NTN4: variants seen among roughly 807,000 people sequenced by gnomAD.
NTN4 encodes netrin-4.
In NTN4, 32 loss-of-function variants were observed where a neutral mutation model predicts 73.6. The ratio of observed to expected loss-of-function variants is 0.44; its 90% CI spans 0.33 to 0.58. NTN4 has a LOEUF of 0.58. Among genes scored for constraint, NTN4 ranks in the 20% least tolerant of loss-of-function variants. NTN4 has a pLI of 0.04. For synonymous variants in NTN4, 258 were observed against 287.5 expected, an observed-to-expected ratio of 0.90 and a Z score of 1.04; for missense variants, 654 against 798.3, an observed-to-expected ratio of 0.82 and a Z score of 2.18.
At chr12:95,773,278 A>G (rs1215225722) in intron 2 of NTN4, among the ~76,000 whole-genome samples, 1 of 152,226 alleles carries the variant, frequency 6.6e-6, no homozygotes, top group African/African-American at 2.4e-5. Context: ...TGCTAGGATT[A>G]TAGGCATGAG....
intron 7 of NTN4, among the ~76,000 whole-genome samples, chr12:95,672,105 G>A (rs1387211469): frequency 6.6e-6 from 1 of 151,932 alleles, no homozygotes; most frequent in Non-Finnish European, 1.5e-5. Flanking sequence ...TGGACTGCTT[G>A]AGCCCAGGAG....
At chr12:95,677,863 T>A (rs1460618319) in intron 7 of NTN4, among the ~76,000 whole-genome samples, 1 of 152,184 alleles carries the variant, frequency 6.6e-6, no homozygotes, top group African/African-American at 2.4e-5. Flanking sequence ...TCTAAATCAT[T>A]CTACTATAAA....
intron 2 of NTN4, among the ~76,000 whole-genome samples, chr12:95,779,115 A>C (rs1437314434): frequency 6.6e-6 from 1 of 152,234 alleles, no homozygotes; most frequent in Non-Finnish European, 1.5e-5. Context: ...ACAGCCCTTC[A>C]TGCTAAAAAC....
rs529076577 is a variant in NTN4 at position 95,717,609 on chromosome 12, AT to A, written c.865-4272del. Among the ~76,000 whole-genome samples, 1,470 of 152,080 alleles carry A rather than the reference AT, an allele frequency of 9.7e-3. 7 individuals are homozygous for A. Among genetic ancestry groups the A allele is most frequent in the Non-Finnish European group, 0.015 (1,016 of 67,994 alleles). Reference sequence around the variant, plus strand: ...AACTGTTGCTGTTCAAGCTTGAAAGATCATCCACTATTTGATGCTCGTGAAA... The same window carrying A: ...AACTGTTGCTGTTCAAGCTTGAAAGACATCCACTATTTGATGCTCGTGAAA... On this transcript the variant is annotated intron_variant, in intron 3 of 9. Transcript: ENST00000343702.
rs772879688 is a variant in NTN4 at position 95,682,700 on chromosome 12, A to G, written c.1510+7T>C. 4 of 1,589,402 alleles carry G rather than the reference A, an allele frequency of 2.5e-6. No individual in the cohort carries two copies. The highest frequency in any genetic ancestry group is 1.7e-5 in the Admixed American group (1 of 59,912). ...GAAAATATGATGCCTGGTTACATCC[A>G]TCTCACCTGAGTGTAGAAGTGCAGA... On this transcript the variant is annotated splice_region_variant and intron_variant, in intron 7 of 9. Transcript: ENST00000343702.
In NTN4 at chr12:95,683,590, G is replaced by A; in HGVS notation, c.1302C>T (p.Cys434=). 1.2e-6 allele frequency: 2 copies of A among 1,614,184 alleles called. No homozygotes were observed. The highest frequency in any genetic ancestry group is 1.7e-6 in the Non-Finnish European group (2 of 1,180,028). ...PGVAGRRCDR[C]MVGYWGFGDY... is the part of the protein sequence containing the mutation. ...CTCCGAAGCCCCAGTATCCCACCAT[G>A]CACCTGTCACAACGTCGCCCTGCCA... The change falls in exon 6 of 10, where the codon TGC becomes TGT. Residue 434 remains cysteine (C), a synonymous_variant. Coordinates refer to ENST00000343702, the MANE Select transcript of NTN4 (RefSeq NM_021229.4).
chr12:95,723,405 T>G (rs1024447454), intron 3 of NTN4, among the ~76,000 whole-genome samples: 47 of 152,196 alleles, frequency 3.1e-4, no homozygotes, highest in African/African-American at 9.4e-4. Context: ...AAATGATTAA[T>G]AATGCAAATA....
chr12:95,709,528 C>T (rs903425279), intron 5 of NTN4, among the ~76,000 whole-genome samples: 1 of 141,328 alleles, frequency 7.1e-6, no homozygotes, highest in African/African-American at 2.6e-5. Context: ...CTTTCTCTCT[C>T]TCTCTCTCTC....
chr12:95,689,299 G>A (rs1199641592), intron 5 of NTN4, among the ~76,000 whole-genome samples: 1 of 152,112 alleles, frequency 6.6e-6, no homozygotes, highest in Non-Finnish European at 1.5e-5. Flanking sequence ...TCACTCCTTA[G>A]CCAAACATGT....
chr12:95,705,362 A>C (rs1001450012), intron 5 of NTN4, among the ~76,000 whole-genome samples: 1 of 152,174 alleles, frequency 6.6e-6, no homozygotes, highest in Non-Finnish European at 1.5e-5. Flanking sequence ...TTGGTAGTTC[A>C]ACTCGAGAGT....
chr12:95,672,211 G>A (rs992152052), intron 7 of NTN4: 79 of 577,892 alleles, frequency 1.4e-4, no homozygotes, highest in Non-Finnish European at 2.0e-4. Flanking sequence ...GTTGCGGGGG[G>A]CGGGCGGGGG....
At chr12:95,768,237 A>T (rs528774492) in intron 2 of NTN4, among the ~76,000 whole-genome samples, 1 of 152,266 alleles carries the variant, frequency 6.6e-6, no homozygotes, top group African/African-American at 2.4e-5. Flanking sequence ...TGAACATAGG[A>T]TACTGTGGGT....
intron 2 of NTN4, 47 bp from the exon 3 acceptor site, chr12:95,738,191 A>G (rs2078795853): frequency 2.4e-5 from 36 of 1,529,594 alleles, no homozygotes; most frequent in Non-Finnish European, 2.8e-5. Context: ...CTGTGCGCAA[A>G]CCCTGAATTG....
At position 95,787,147 on chromosome 12, in the gene NTN4, T is replaced by C. The variant is rs2079174075; in HGVS notation, c.377A>G (p.Tyr126Cys). ...KIQLDLEAEFYFTHLIVMFKS... is the reference protein window; with the variant it reads ...KIQLDLEAEFCFTHLIVMFKS... Reference sequence around the variant, plus strand: ...GAACATCACAATTAGGTGAGTGAAGTAGAATTCAGCTTCCAGGTCTAACTG... The same window carrying C: ...GAACATCACAATTAGGTGAGTGAAGCAGAATTCAGCTTCCAGGTCTAACTG... The change falls in exon 2 of 10, where the codon TAC (tyrosine) becomes TGC (cysteine). Residue 126 changes from tyrosine (Y) to cysteine (C), a missense_variant. Physicochemically the swap from Tyr to Cys is radical, Grantham distance 194 (BLOSUM62 -2). Transcript: ENST00000343702. 2 of 1,614,066 alleles carry C rather than the reference T, an allele frequency of 1.2e-6. No individual in the cohort carries two copies. Among genetic ancestry groups the C allele is most frequent in the African/African-American group, 1.3e-5 (1 of 74,918 alleles).
At chr12:95,736,436 G>A (rs1297579943) in intron 3 of NTN4, among the ~76,000 whole-genome samples, 5 of 152,264 alleles carry the variant, frequency 3.3e-5, no homozygotes, top group South Asian at 4.1e-4. Context: ...AGAGACAGTC[G>A]AGGAAACAAA....
rs1248505638 is a variant in NTN4 at position 95,659,184 on chromosome 12, T to C, written c.1789A>G (p.Thr597Ala). ...TTCATATTCACAATTAGTTTGCCTGTTCTTATATCCTCATGTCCTGCTACA... is the reference window on the plus strand; with the variant it reads ...TTCATATTCACAATTAGTTTGCCTGCTCTTATATCCTCATGTCCTGCTACA... ...YLVAGHEDIR[T>A]GKLIVNMKSF... The change falls in exon 10 of 10, where the codon ACA becomes GCA. Residue 597 changes from threonine (T) to alanine (A), a missense_variant. Coordinates refer to ENST00000343702, the MANE Select transcript of NTN4 (RefSeq NM_021229.4). The C allele has an allele frequency of 6.2e-7, 1 of 1,613,892 alleles. No homozygotes were observed. The highest frequency in any genetic ancestry group is 2.2e-5 in the East Asian group (1 of 44,874).
At chr12:95,688,432 A>G (rs1292017230) in intron 5 of NTN4, among the ~76,000 whole-genome samples, 1 of 152,140 alleles carries the variant, frequency 6.6e-6, no homozygotes, top group Non-Finnish European at 1.5e-5. Context: ...AGGACTAGAG[A>G]AAGTTGGGGC....
At chr12:95,763,932 C>G (rs1043697937) in intron 2 of NTN4, among the ~76,000 whole-genome samples, 2 of 152,130 alleles carry the variant, frequency 1.3e-5, no homozygotes, top group African/African-American at 4.8e-5. Flanking sequence ...CATGGTAAAA[C>G]TGGAATGCAA....
intron 2 of NTN4, among the ~76,000 whole-genome samples, chr12:95,776,537 G>A (rs942208118): frequency 2.6e-5 from 4 of 152,284 alleles, no homozygotes; most frequent in East Asian, 1.9e-4. Flanking sequence ...TAGCCGATTC[G>A]ATCAACTGGA....
Sources: gnomAD v4.1 joint callset for allele counts (sites outside exome capture counted in the v4.1 genomes callset) on GRCh38, gnomAD v4.1.1 for gene constraint, MANE v1.5 for transcripts, NCBI Gene and HGNC (gene_info 2026-07-23, HGNC 2026-07-21) for gene names.